The following PHF20L1 variants were observed in gnomAD, a reference collection of about 807,000 sequenced individuals.
PHF20L1 encodes the protein PHD finger protein 20 like 1, also known as PHD finger protein 20-like protein 1.
PHF20L1 carries 44 observed loss-of-function variants against 125.5 expected under a neutral mutation model. That is an observed-to-expected ratio of 0.35 (90% confidence interval 0.28 to 0.45). PHF20L1 has a LOEUF of 0.45. PHF20L1 is among the 20% of genes least tolerant of loss of function. PHF20L1 has a pLI of 1.00. For synonymous variants in PHF20L1, 380 were observed against 403.1 expected, an observed-to-expected ratio of 0.94 and a Z score of 0.69; for missense variants, 1,012 against 1,217.2, an observed-to-expected ratio of 0.83 and a Z score of 2.51.
At chr8:132,781,889 C>T (rs1239922743) in intron 2 of PHF20L1, among the ~76,000 whole-genome samples, 1 of 152,146 alleles carries the variant, frequency 6.6e-6, no homozygotes, top group Non-Finnish European at 1.5e-5. Flanking sequence ...AATTGGATCT[C>T]TCCTACACTG....
Position 132,836,725 on chromosome 8 carries a change from A to G in PHF20L1, c.2091+4A>G, listed in dbSNP as rs1329216047. On this transcript the variant is annotated splice_donor_region_variant and intron_variant, in intron 16 of 20. Coordinates refer to ENST00000395386, the MANE Select transcript of PHF20L1 (RefSeq NM_016018.5). ...GGAGAATGGCTTCATGATCCAGGTA[A>G]TTGGTTAACCTCTCTTCCCTATAAT... 8 of 1,605,926 alleles carry G rather than the reference A, an allele frequency of 5.0e-6. No homozygotes were observed. The East Asian group carries it at 1.1e-4, about 22-fold the overall frequency.
chr8:132,811,227 T>C, intron 9 of PHF20L1, 99 bp downstream of exon 9: 4 of 1,555,372 alleles, frequency 2.6e-6, no homozygotes, highest in Admixed American at 3.9e-5. Context: ...TGATCAGATA[T>C]GGGAATAGGA....
At chr8:132,789,544 C>T (rs902583331) in intron 2 of PHF20L1, among the ~76,000 whole-genome samples, 1 of 152,112 alleles carries the variant, frequency 6.6e-6, no homozygotes, top group African/African-American at 2.4e-5. Flanking sequence ...TTAAAGTCTT[C>T]TCTATTTTGG....
intron 20 of PHF20L1, among the ~76,000 whole-genome samples, chr8:132,844,993 A>G (rs1363321637): frequency 1.3e-5 from 2 of 151,904 alleles, no homozygotes; most frequent in East Asian, 1.9e-4. Context: ...TCTCCTCTAC[A>G]CTAAGTTAGA....
intron 4 of PHF20L1, among the ~76,000 whole-genome samples, chr8:132,797,758 C>CA (rs777213911): frequency 0.014 from 2,105 of 146,522 alleles, 23 homozygotes; most frequent in Middle Eastern, 0.021. Context: ...TCAGAGTACC[C>CA]AAAAAAAAAA....
At chr8:132,837,680 G>C in intron 16 of PHF20L1, 32 bp from the exon 17 acceptor site, 1 of 1,523,016 alleles carries the variant, frequency 6.6e-7, no homozygotes, top group Non-Finnish European at 9.1e-7. Context: ...AGTGAGGATC[G>C]GGTGACTGTA....
intron 8 of PHF20L1, chr8:132,810,798 G>A: frequency 4.9e-6 from 2 of 412,172 alleles, no homozygotes; most frequent in Non-Finnish European, 9.1e-6. Flanking sequence ...GCAAGTGTGT[G>A]TTTTCAGTGA....
At chr8:132,808,109 T>C (rs1282467636) in intron 8 of PHF20L1, 2 of 153,270 alleles carry the variant, frequency 1.3e-5, no homozygotes, top group South Asian at 2.0e-4. Flanking sequence ...TTTTATTGTT[T>C]ATATTTAATA....
At chr8:132,840,214 A>G (rs1237906499) in intron 18 of PHF20L1, among the ~76,000 whole-genome samples, 1 of 152,128 alleles carries the variant, frequency 6.6e-6, no homozygotes, top group Admixed American at 6.6e-5. Context: ...GGTTCTTCAC[A>G]AGATTTTCTT....
chr8:132,792,964 CTTTTTTTTTTTT>C (rs370724463), intron 2 of PHF20L1, among the ~76,000 whole-genome samples: 1 of 129,644 alleles, frequency 7.7e-6, no homozygotes, highest in Non-Finnish European at 1.6e-5. Flanking sequence ...CCCCTTTTTT[CTTTTTTTTTTTT>C]TTTTTTAGTG....
intron 8 of PHF20L1, among the ~76,000 whole-genome samples, chr8:132,805,229 G>GT (rs1056674360): frequency 2.0e-5 from 3 of 151,626 alleles, no homozygotes; most frequent in Non-Finnish European, 4.4e-5. Flanking sequence ...ATTTCTATAA[G>GT]TTTTTTTTGT....
intron 2 of PHF20L1, 107 bp from the exon 3 acceptor site, chr8:132,794,303 T>C: frequency 1.6e-6 from 1 of 638,552 alleles, no homozygotes; most frequent in South Asian, 2.6e-5. Context: ...TTTATTGTTT[T>C]CTTCATGGTT....
At chr8:132,832,787 T>G (rs1836914353) in intron 15 of PHF20L1, among the ~76,000 whole-genome samples, 1 of 152,144 alleles carries the variant, frequency 6.6e-6, no homozygotes, top group African/African-American at 2.4e-5. Flanking sequence ...AGGTCTGTCT[T>G]AACTCCGTAG....
chr8:132,841,908 G>C (rs1000040964), intron 18 of PHF20L1: 2 of 152,154 alleles, frequency 1.3e-5, no homozygotes, highest in Non-Finnish European at 2.9e-5. Flanking sequence ...TTCAGCCCTA[G>C]AGTAAAAGTA....
intron 4 of PHF20L1, among the ~76,000 whole-genome samples, chr8:132,797,491 G>C (rs1229055387): frequency 6.6e-6 from 1 of 151,956 alleles, no homozygotes; most frequent in East Asian, 1.9e-4. Flanking sequence ...AGGCAGAGAG[G>C]TATTAATGCC....
At chr8:132,808,772 TGTG>T (rs1409064723) in intron 8 of PHF20L1, 10 of 151,694 alleles carry the variant, frequency 6.6e-5, no homozygotes, top group South Asian at 4.2e-4. Flanking sequence ...ATACAGTTGA[TGTG>T]GTATGAGACT....
At chr8:132,796,945 T>C (rs1280626900) in intron 4 of PHF20L1, among the ~76,000 whole-genome samples, 2 of 152,092 alleles carry the variant, frequency 1.3e-5, no homozygotes, top group African/African-American at 2.4e-5. Context: ...CGTTACATGC[T>C]TAAAGTTCCC....
intron 13 of PHF20L1, 59 bp downstream of exon 13, chr8:132,824,119 C>G (rs1587005893): frequency 9.5e-7 from 1 of 1,049,498 alleles, no homozygotes; most frequent in East Asian, 2.4e-5. Flanking sequence ...AGAGGGAGGA[C>G]ATAGTCTGCC....
intron 3 of PHF20L1, 70 bp from the exon 4 acceptor site, chr8:132,794,663 A>G (rs1283494592): frequency 1.3e-6 from 2 of 1,501,792 alleles, no homozygotes; most frequent in African/African-American, 1.4e-5. Flanking sequence ...AAATTATACA[A>G]AAGCCTGTTT....
Sources: gnomAD v4.1 joint callset for allele counts (sites outside exome capture counted in the v4.1 genomes callset) on GRCh38, gnomAD v4.1.1 for gene constraint, MANE v1.5 for transcripts, NCBI Gene and HGNC (gene_info 2026-07-23, HGNC 2026-07-21) for gene names.